Variants in KCNQ3 observed in about 807,000 individuals in gnomAD.
KCNQ3 encodes the protein potassium voltage-gated channel subfamily KQT member 3.
A neutral mutation model predicts 92.5 loss-of-function variants in KCNQ3; 30 were observed. The ratio of observed to expected loss-of-function variants is 0.32; its 90% CI spans 0.24 to 0.44. KCNQ3 has a LOEUF of 0.44. Among genes scored for constraint, KCNQ3 ranks in the 20% least tolerant of loss-of-function variants. The pLI is 1.00. For missense variants in KCNQ3, 913 were observed against 1,140.3 expected, an observed-to-expected ratio of 0.80 and a Z score of 2.87; for synonymous variants, 450 against 468.8, an observed-to-expected ratio of 0.96 and a Z score of 0.52.
rs1006770358 is a variant in KCNQ3 at position 132,281,762 on chromosome 8, G to T, written c.387-95581C>A. On this transcript the variant is annotated intron_variant, in intron 1 of 14. Transcript: ENST00000388996. ...GCCTGGGAGAACTTTACAAAGTGAG[G>T]TTCATGTAGACCTTCAGATGCTCAA... is the stretch of plus-strand genomic sequence containing the variant. Among the ~76,000 whole-genome samples, 21 of 152,236 alleles carry T rather than the reference G, an allele frequency of 1.4e-4. No individual in the cohort carries two copies. The East Asian group carries it at 4.1e-3, about 29-fold the overall frequency.
At chr8:132,451,328 C>G (rs1821816541) in intron 1 of KCNQ3, among the ~76,000 whole-genome samples, 1 of 152,224 alleles carries the variant, frequency 6.6e-6, no homozygotes, top group Non-Finnish European at 1.5e-5. Flanking sequence ...ATAAATTACC[C>G]AGTCTCAGCT....
chr8:132,270,310 A>G (rs1816110944), intron 1 of KCNQ3, among the ~76,000 whole-genome samples: 1 of 152,202 alleles, frequency 6.6e-6, no homozygotes, highest in Non-Finnish European at 1.5e-5. Flanking sequence ...CCAGTTTCCA[A>G]CTACATGCAA....
intron 8 of KCNQ3, among the ~76,000 whole-genome samples, chr8:132,168,461 C>T (rs963345432): frequency 1.3e-5 from 2 of 152,022 alleles, no homozygotes; most frequent in Non-Finnish European, 2.9e-5. Flanking sequence ...GGACGGAGTG[C>T]CCTGAGTGCC....
intron 1 of KCNQ3, among the ~76,000 whole-genome samples, chr8:132,350,092 T>C (rs771892768): frequency 6.6e-6 from 1 of 152,178 alleles, no homozygotes; most frequent in Non-Finnish European, 1.5e-5. Context: ...TACTGAAGTG[T>C]AAGGTGCCTC....
At chr8:132,155,803 C>A (rs1825782938) in intron 9 of KCNQ3, among the ~76,000 whole-genome samples, 1 of 152,074 alleles carries the variant, frequency 6.6e-6, no homozygotes. Context: ...GCAGGTGATT[C>A]CCAAAGGACT....
chr8:132,408,407 A>G (rs902744614), intron 1 of KCNQ3, among the ~76,000 whole-genome samples: 1 of 152,000 alleles, frequency 6.6e-6, no homozygotes, highest in Non-Finnish European at 1.5e-5. Flanking sequence ...CTGACCTTCA[A>G]TCCAGCTGGT....
At chr8:132,170,098 C>T (rs1036033980) in intron 8 of KCNQ3, among the ~76,000 whole-genome samples, 2 of 152,100 alleles carry the variant, frequency 1.3e-5, no homozygotes, top group African/African-American at 2.4e-5. Flanking sequence ...GTATGGAACT[C>T]CTGACCTCAG....
At position 132,129,478 on chromosome 8, in the gene KCNQ3, C is replaced by T. The variant is rs1322703834; in HGVS notation, c.2403G>A (p.Glu801=). 1.2e-6 allele frequency: 2 copies of T among 1,614,236 alleles called. No homozygotes were observed. The highest frequency in any genetic ancestry group is 1.1e-5 in the South Asian group (1 of 91,088). Residue 801 remains glutamate (E), a synonymous_variant, in exon 15 of 15, where the codon GAG becomes GAA. Coordinates refer to ENST00000388996, the MANE Select transcript of KCNQ3 (RefSeq NM_004519.4). This position sits in a 1 kb window ranked among gnomAD's most constrained non-coding sequence, Gnocchi z 5.9. Reference sequence around the variant, plus strand: ...AGATGCTGAAGCCACTTGGAGACCTCTCCAGCTCCTCGTGGTTGACCGACA... The same window carrying T: ...AGATGCTGAAGCCACTTGGAGACCTTTCCAGCTCCTCGTGGTTGACCGACA... The part of the protein sequence containing the change: ...SLMSVNHEEL[E]RSPSGFSISQ...
At chr8:132,251,620 G>T (rs1037511797) in intron 1 of KCNQ3, among the ~76,000 whole-genome samples, 7 of 152,206 alleles carry the variant, frequency 4.6e-5, no homozygotes, top group African/African-American at 1.4e-4. Flanking sequence ...AAGTGTGTTG[G>T]TCATGGGAGG....
chr8:132,310,626 G>C (rs1472466515), intron 1 of KCNQ3, among the ~76,000 whole-genome samples: 1 of 152,182 alleles, frequency 6.6e-6, no homozygotes, highest in Non-Finnish European at 1.5e-5. Flanking sequence ...GTGGGCCTGG[G>C]CACCACAGGT....
chr8:132,213,745 A>G (rs553284096), intron 1 of KCNQ3, among the ~76,000 whole-genome samples: 1 of 152,316 alleles, frequency 6.6e-6, no homozygotes, highest in East Asian at 1.9e-4. Flanking sequence ...TTTGAAAACC[A>G]TCGCAGTCAC....
intron 1 of KCNQ3, among the ~76,000 whole-genome samples, chr8:132,435,124 C>T (rs1301793065): frequency 1.3e-5 from 2 of 152,216 alleles, no homozygotes; most frequent in Non-Finnish European, 2.9e-5. Flanking sequence ...GCAGCCCCTA[C>T]ACTGACAGTT....
intron 1 of KCNQ3, among the ~76,000 whole-genome samples, chr8:132,368,928 T>G (rs564253144): frequency 6.6e-6 from 1 of 152,068 alleles, no homozygotes; most frequent in East Asian, 1.9e-4. Context: ...TTTTTTCTGA[T>G]CCGGGATCCC....
intron 1 of KCNQ3, among the ~76,000 whole-genome samples, chr8:132,451,337 C>A (rs1314103673): frequency 6.6e-6 from 1 of 152,204 alleles, no homozygotes; most frequent in African/African-American, 2.4e-5. Context: ...CCAGTCTCAG[C>A]TATGTCTTTA....
intron 1 of KCNQ3, among the ~76,000 whole-genome samples, chr8:132,230,433 C>CAG (rs371769857): frequency 2.0e-4 from 26 of 131,178 alleles, no homozygotes; most frequent in East Asian, 1.0e-3. Flanking sequence ...CCACCACAGG[C>CAG]AGAGAGAGAG....
Position 132,129,956 on chromosome 8 carries a change from A to G in KCNQ3, c.1925T>C (p.Met642Thr), listed in dbSNP as rs752071200. ...MGKKLDFLVD[M>T]HMQHMERLQV... ...CAACCGTTCCATGTGTTGCATGTGC[A>G]TATCCACGAGGAAGTCCAGCTTCTT... Residue 642 changes from methionine (M) to threonine (T), a missense_variant, in exon 15 of 15, where the codon ATG becomes ACG. Coordinates refer to ENST00000388996, the MANE Select transcript of KCNQ3 (RefSeq NM_004519.4). The surrounding 1 kb of genome is among the most constrained non-coding windows in gnomAD (Gnocchi z 5.9). 1 of 1,614,058 alleles carries G rather than the reference A, an allele frequency of 6.2e-7. No individual in the cohort carries two copies. Among genetic ancestry groups the G allele is most frequent in the Non-Finnish European group, 8.5e-7 (1 of 1,180,044 alleles).
At position 132,128,490 on chromosome 8, in the gene KCNQ3, C is replaced by G. The variant is rs901636137; in HGVS notation, c.*772G>C. 5 of 145,998 alleles carry G rather than the reference C, an allele frequency of 3.4e-5. No homozygotes were observed. Among genetic ancestry groups the G allele is most frequent in the Non-Finnish European group, 7.5e-5 (5 of 66,714 alleles). The allele number at this position is 145,998 out of a possible 1,614,324, so 9.0% of individuals were successfully genotyped here. ...TGTCCTTGGCTACATAAATTGGAAA[C>G]TATTTTAACTTTGTGTATGTGTGTG... On this transcript the variant is annotated 3_prime_UTR_variant, in exon 15 of 15. Coordinates refer to ENST00000388996, the MANE Select transcript of KCNQ3 (RefSeq NM_004519.4).
At chr8:132,478,545 T>C (rs72723134) in intron 1 of KCNQ3, among the ~76,000 whole-genome samples, 10,756 of 152,250 alleles carry the variant, frequency 0.071, 394 homozygotes, top group Middle Eastern at 0.092. Flanking sequence ...ATGCTTTTTT[T>C]TCGGCCACCT....
chr8:132,463,763 G>A (rs1237115112), intron 1 of KCNQ3, among the ~76,000 whole-genome samples: 2 of 152,212 alleles, frequency 1.3e-5, no homozygotes, highest in African/African-American at 4.8e-5. Context: ...CTTAGGGTAG[G>A]AATTATGATA....
Sources: gnomAD v4.1 joint callset for allele counts (sites outside exome capture counted in the v4.1 genomes callset) on GRCh38, gnomAD v4.1.1 for gene constraint, Gnocchi (gnomAD v3.1) non-coding constraint, MANE v1.5 for transcripts, NCBI Gene and HGNC (gene_info 2026-07-23, HGNC 2026-07-21) for gene names.